TMPRSS7: variants seen among roughly 807,000 people sequenced by gnomAD.
TMPRSS7 encodes transmembrane serine protease 7.
Under a neutral mutation model 95.6 loss-of-function variants are expected in TMPRSS7, and 81 were observed. The ratio of observed to expected loss-of-function variants is 0.85; its 90% CI spans 0.71 to 1.02. The LOEUF (loss-of-function observed/expected upper bound fraction) is 1.02. Ranked by LOEUF, TMPRSS7 falls within the 50% of genes least tolerant of loss-of-function variation. The pLI is 0.00. For missense variants in TMPRSS7, 945 were observed against 955.2 expected (o/e 0.99, Z 0.14); for synonymous variants, 364 against 337.8 (o/e 1.08, Z -0.85).
At chr3:112,039,263 G>C (rs570491616) in intron 2 of TMPRSS7, among the ~76,000 whole-genome samples, 1 of 152,328 alleles carries the variant, frequency 6.6e-6, no homozygotes, top group Admixed American at 6.5e-5. Flanking sequence ...ATGATATAAT[G>C]TGAAATACAT....
At position 112,059,139 on chromosome 3, in the gene TMPRSS7, G is replaced by A. The variant is rs1195595253; in HGVS notation, c.1310+2008G>A. Among the ~76,000 whole-genome samples the A allele has an allele frequency of 2.6e-5, 4 of 152,172 alleles. No homozygotes were observed. The East Asian group carries it at 7.7e-4, about 29-fold the overall frequency. ...TGAATGCTCAGGGCAGCTGGACTAC[G>A]GTATATGAACCCCGAAGAAATGGAT... On this transcript the variant is annotated intron_variant, in intron 10 of 17. Transcript: ENST00000452346.
At chr3:112,075,631 G>T in intron 15 of TMPRSS7, 139 bp downstream of exon 15, 1 of 704,082 alleles carries the variant, frequency 1.4e-6, no homozygotes, top group Non-Finnish European at 2.1e-6. Flanking sequence ...GATCCCACGT[G>T]TGTGACAAAC....
intron 2 of TMPRSS7, 99 bp downstream of exon 2, chr3:112,038,420 T>G: frequency 1.6e-6 from 1 of 613,424 alleles, no homozygotes; most frequent in Non-Finnish European, 2.9e-6. Context: ...TCTGATGGGA[T>G]TTTCCTTTTT....
chr3:112,063,947 A>G (rs1435229422), intron 12 of TMPRSS7, among the ~76,000 whole-genome samples: 1 of 152,178 alleles, frequency 6.6e-6, no homozygotes, highest in Non-Finnish European at 1.5e-5. Flanking sequence ...CCAGTGGGCT[A>G]GTCATGGCAG....
chr3:112,061,881 A>G (rs1245494920), exon 11 of TMPRSS7: 1 of 1,611,944 alleles, frequency 6.2e-7, no homozygotes, highest in East Asian at 2.2e-5. Flanking sequence ...GCTTTCAGAC[A>G]AGCCACTTTT....
chr3:112,051,608 T>C (rs1480199958), intron 9 of TMPRSS7, among the ~76,000 whole-genome samples: 96 of 134,404 alleles, frequency 7.1e-4, no homozygotes, highest in African/African-American at 2.0e-3. Flanking sequence ...CTATCTCTAT[T>C]ATCTATCTAT....
intron 17 of TMPRSS7, among the ~76,000 whole-genome samples, chr3:112,079,570 C>T (rs1326152334): frequency 2.6e-5 from 4 of 152,142 alleles, no homozygotes; most frequent in South Asian, 2.1e-4. Flanking sequence ...CATTAGTGTT[C>T]GTACATTTTA....
rs563582475 is a variant in TMPRSS7, at chr3:112,075,629, G to A, written c.1955+137G>A. The A allele has an allele frequency of 8.2e-4, 592 of 723,532 alleles. 2 individuals carry two copies. Among genetic ancestry groups the A allele is most frequent in the South Asian group, 1.3e-3 (23 of 17,828 alleles). The allele number at this position is 723,532 out of a possible 1,614,324, so 44.8% of individuals were successfully genotyped here. A position where few individuals can be genotyped will look rare whatever the true frequency, so the allele number is the denominator to read the frequency against. On this transcript the variant is annotated intron_variant, in intron 15 of 17. Coordinates refer to ENST00000452346, the Ensembl canonical transcript of TMPRSS7. The stretch of plus-strand genomic sequence containing the variant: ...TGCACTTTCATTTTTTGGATCCCAC[G>A]TGTGTGACAAACATTTTTTTTTAAG...
intron 13 of TMPRSS7, among the ~76,000 whole-genome samples, chr3:112,072,434 C>G (rs142348725): frequency 4.6e-5 from 7 of 152,358 alleles, no homozygotes; most frequent in African/African-American, 1.4e-4. Flanking sequence ...CAGGGACCCA[C>G]TTGAGGAGGC....
intron 2 of TMPRSS7, among the ~76,000 whole-genome samples, chr3:112,040,698 G>A (rs2073197104): frequency 6.6e-6 from 1 of 152,200 alleles, no homozygotes; most frequent in Admixed American, 6.5e-5. Context: ...TCCTTGTGCA[G>A]ATGTAGTTTG....
chr3:112,066,556 C>A, intron 13 of TMPRSS7, 54 bp downstream of exon 13: 1 of 1,534,012 alleles, frequency 6.5e-7, no homozygotes, highest in South Asian at 1.1e-5. Flanking sequence ...TCTTCTAAAT[C>A]AGGACAAAAA....
chr3:112,039,947 C>G lies in TMPRSS7; in HGVS notation c.298+1626C>G, dbSNP rs1234616355. Among the ~76,000 whole-genome samples the G allele has an allele frequency of 1.3e-5, 2 of 152,116 alleles. 1 individual carries two copies. Among genetic ancestry groups the G allele is most frequent in the Non-Finnish European group, 2.9e-5 (2 of 68,032 alleles). ...TTTAACCTTTGGGGTCTGACACGAA[C>G]TCTTGGTAGCTGGTGTCAGAATTGA... On this transcript the variant is annotated intron_variant, in intron 2 of 17. Transcript: ENST00000452346.
At chr3:112,078,991 C>A in intron 17 of TMPRSS7, 113 bp downstream of exon 17, 1 of 1,210,382 alleles carries the variant, frequency 8.3e-7, no homozygotes, top group South Asian at 1.5e-5. Context: ...CCTGAATTCA[C>A]TTGAGCTGCT....
In TMPRSS7 at chr3:112,060,535, G is replaced by A. The variant is rs186163806; in HGVS notation, c.1311-1252G>A. On this transcript the variant is annotated intron_variant, in intron 10 of 17. Coordinates refer to ENST00000452346, the Ensembl canonical transcript of TMPRSS7. ...TCCTTGCTGAGAAAAAGAATTCAGT[G>A]ATATTTCTCCCATTTGCTTTTGAAA... Among the ~76,000 whole-genome samples the A allele has an allele frequency of 6.8e-4, 104 of 152,296 alleles. No homozygotes were observed. The East Asian group carries it at 0.018, about 26-fold the overall frequency.
rs118035409 is a variant in TMPRSS7 at position 112,079,553 on chromosome 3, T to C, written c.2361+675T>C. ...TTTTTTGCAATTTTTTTTAGCTCAT[T>C]AGTTATCATTAGTGTTCGTACATTT... On this transcript the variant is annotated intron_variant, in intron 17 of 17. Coordinates refer to ENST00000452346, the Ensembl canonical transcript of TMPRSS7. Among the ~76,000 whole-genome samples the C allele has an allele frequency of 4.4e-3, 676 of 152,230 alleles. 23 individuals are homozygous for C. In the East Asian group the frequency reaches 0.065, roughly 15 times the overall value.
chr3:112,057,154 C>A, intron 10 of TMPRSS7, 23 bp downstream of exon 10: 1 of 1,526,308 alleles, frequency 6.6e-7, no homozygotes, highest in Non-Finnish European at 9.1e-7. Context: ...CATATGTTTT[C>A]ATATGTGAGG....
At chr3:112,040,191 T>A (rs1432894062) in intron 2 of TMPRSS7, among the ~76,000 whole-genome samples, 1 of 152,224 alleles carries the variant, frequency 6.6e-6, no homozygotes, top group Non-Finnish European at 1.5e-5. Context: ...AGGTCACTTA[T>A]ATGCACATAA....
chr3:112,041,462 C>T (rs1406760669), intron 2 of TMPRSS7, among the ~76,000 whole-genome samples: 1 of 152,198 alleles, frequency 6.6e-6, no homozygotes, highest in African/African-American at 2.4e-5. Context: ...CTCCCTTTCT[C>T]TCCCCCTCTA....
intron 13 of TMPRSS7, among the ~76,000 whole-genome samples, chr3:112,073,219 G>A (rs2073672205): frequency 6.6e-6 from 1 of 151,576 alleles, no homozygotes; most frequent in Non-Finnish European, 1.5e-5. Context: ...AGCCTCCCGA[G>A]TAGCTGGGAT....
Sources: allele counts gnomAD v4.1 joint callset (sites outside exome capture counted in the v4.1 genomes callset), GRCh38; gene constraint gnomAD v4.1.1; transcripts MANE v1.5; gene names NCBI Gene and HGNC (gene_info 2026-07-23, HGNC 2026-07-21).